FAT3: variants seen among roughly 807,000 people sequenced by gnomAD.
FAT3 encodes protocadherin Fat 3.
A neutral mutation model predicts 310.2 loss-of-function variants in FAT3; 95 were observed. The ratio of observed to expected loss-of-function variants is 0.31; its 90% CI spans 0.26 to 0.36. FAT3 has a LOEUF of 0.36. FAT3 is among the 10% of genes least tolerant of loss of function. The pLI, the probability that FAT3 is intolerant of heterozygous loss-of-function variation, is 1.00. For missense variants in FAT3, 5,408 were observed against 5,715.6 expected, an observed-to-expected ratio of 0.95 and a Z score of 1.74; for synonymous variants, 2,314 against 2,192.9, an observed-to-expected ratio of 1.06 and a Z score of -1.54.
At chr11:92,870,719 G>A (rs1949364507) in intron 22 of FAT3, among the ~76,000 whole-genome samples, 1 of 152,166 alleles carries the variant, frequency 6.6e-6, no homozygotes, top group South Asian at 2.1e-4. Flanking sequence ...GCCATAAATA[G>A]TCATTCAGGC....
At chr11:92,287,501 T>C (rs1946588744) in intron 1 of FAT3, among the ~76,000 whole-genome samples, 1 of 152,136 alleles carries the variant, frequency 6.6e-6, no homozygotes, top group African/African-American at 2.4e-5. Flanking sequence ...ACTACAGCCA[T>C]GTTTAGTTAC....
chr11:92,569,280 T>C lies in FAT3; in HGVS notation c.3607+44332T>C, dbSNP rs116772482. 5.7e-3 allele frequency among the ~76,000 whole-genome samples: 871 copies of C among 152,306 alleles called. 5 individuals carry two copies. Among genetic ancestry groups the C allele is most frequent in the African/African-American group, 0.02 (825 of 41,574 alleles). On this transcript the variant is annotated intron_variant, in intron 3 of 27. Transcript: ENST00000525166. Reference sequence around the variant, plus strand: ...GAAGATAACAAGCGTACCTATTTTATAGCATTGCTGTGAGGTGGGAATGAT... The same window carrying C: ...GAAGATAACAAGCGTACCTATTTTACAGCATTGCTGTGAGGTGGGAATGAT...
chr11:92,841,449 A>G (rs983023359), intron 18 of FAT3, among the ~76,000 whole-genome samples: 1 of 152,220 alleles, frequency 6.6e-6, no homozygotes, highest in African/African-American at 2.4e-5. Flanking sequence ...AATTATTGGT[A>G]TTGGTATAGC....
At chr11:92,629,011 T>G (rs1941444839) in intron 3 of FAT3, among the ~76,000 whole-genome samples, 1 of 152,258 alleles carries the variant, frequency 6.6e-6, no homozygotes, top group African/African-American at 2.4e-5. Flanking sequence ...GTGGTAGAAC[T>G]TATCTTCTGC....
intron 19 of FAT3, among the ~76,000 whole-genome samples, chr11:92,845,638 C>T (rs915223014): frequency 5.3e-5 from 8 of 152,214 alleles, no homozygotes; most frequent in Non-Finnish European, 7.3e-5. Context: ...TCTTTTCCTC[C>T]GTCTGACATG....
intron 2 of FAT3, among the ~76,000 whole-genome samples, chr11:92,426,500 T>C (rs1323480646): frequency 1.3e-5 from 2 of 152,368 alleles, no homozygotes; most frequent in East Asian, 3.9e-4. Context: ...AGCGTTTTTA[T>C]GGTTTTAGGT....
At chr11:92,780,061 C>T (rs796669663) in intron 7 of FAT3, among the ~76,000 whole-genome samples, 21 of 152,220 alleles carry the variant, frequency 1.4e-4, no homozygotes, top group African/African-American at 5.1e-4. Context: ...CAGAAAGAAA[C>T]ACATCCATGC....
chr11:92,450,040 C>A (rs575122615), intron 2 of FAT3, among the ~76,000 whole-genome samples: 15 of 152,256 alleles, frequency 9.9e-5, no homozygotes, highest in African/African-American at 2.6e-4. Context: ...TTTCCCCATG[C>A]CTTGTCTTGT....
At chr11:92,375,336 T>C (rs1949311078) in intron 2 of FAT3, among the ~76,000 whole-genome samples, 1 of 152,170 alleles carries the variant, frequency 6.6e-6, no homozygotes, top group South Asian at 2.1e-4. Context: ...AGATAGGGTC[T>C]TGCCATGTTT....
intron 4 of FAT3, among the ~76,000 whole-genome samples, chr11:92,740,658 T>A (rs1945482646): frequency 1.3e-5 from 2 of 152,186 alleles, no homozygotes; most frequent in African/African-American, 4.8e-5. Context: ...GATTTCATGG[T>A]CAAAAGATAA....
At position 92,666,304 on chromosome 11, in the gene FAT3, G is replaced by T. The variant is rs148469147; in HGVS notation, c.3608-31080G>T. 2.3e-3 allele frequency among the ~76,000 whole-genome samples: 344 copies of T among 151,830 alleles called. 2 individuals carry two copies. Among genetic ancestry groups the T allele is most frequent in the Non-Finnish European group, 3.6e-3 (243 of 67,966 alleles). ...CTGAGGAGCAGCTAATACTTGATAG[G>T]TTAATATTATTTTAATTTCTAATCC... On this transcript the variant is annotated intron_variant, in intron 3 of 27. Transcript: ENST00000525166.
At chr11:92,234,889 T>C (rs987067434) in intron 1 of FAT3, among the ~76,000 whole-genome samples, 9 of 129,274 alleles carry the variant, frequency 7.0e-5, no homozygotes, top group African/African-American at 2.4e-4. Context: ...GTGACAACAG[T>C]GAGACTCCGT....
At chr11:92,328,863 G>A (rs1279724739) in intron 1 of FAT3, among the ~76,000 whole-genome samples, 3 of 152,164 alleles carry the variant, frequency 2.0e-5, no homozygotes, top group Non-Finnish European at 2.9e-5. Context: ...TTTTAACTGT[G>A]ACTTCAGCTG....
chr11:92,712,393 C>T (rs1364214161), intron 4 of FAT3, among the ~76,000 whole-genome samples: 2 of 152,004 alleles, frequency 1.3e-5, no homozygotes, highest in East Asian at 1.9e-4. Context: ...GTGGTTTTCA[C>T]GGAGGGAGGG....
intron 22 of FAT3, among the ~76,000 whole-genome samples, chr11:92,873,005 G>A (rs534178832): frequency 6.6e-6 from 1 of 152,190 alleles, no homozygotes; most frequent in East Asian, 1.9e-4. Flanking sequence ...CTAAACATCA[G>A]AATAAAAAAA....
chr11:92,642,783 C>T (rs1245627039), intron 3 of FAT3, among the ~76,000 whole-genome samples: 1 of 152,196 alleles, frequency 6.6e-6, no homozygotes, highest in Non-Finnish European at 1.5e-5. Flanking sequence ...AGCAAAAAGG[C>T]TTTCTCTAGA....
chr11:92,551,135 A>G (rs1232273301), intron 3 of FAT3, among the ~76,000 whole-genome samples: 1 of 152,030 alleles, frequency 6.6e-6, no homozygotes, highest in Non-Finnish European at 1.5e-5. Context: ...GCTGAGCTCC[A>G]AAGGTTAGTT....
intron 22 of FAT3, among the ~76,000 whole-genome samples, chr11:92,868,252 A>C (rs1008830663): frequency 6.6e-6 from 1 of 152,212 alleles, no homozygotes; most frequent in African/African-American, 2.4e-5. Context: ...TATTATTAGA[A>C]TGTTATAAAC....
At chr11:92,261,791 G>A (rs936741750) in intron 1 of FAT3, among the ~76,000 whole-genome samples, 1 of 152,094 alleles carries the variant, frequency 6.6e-6, no homozygotes, top group Non-Finnish European at 1.5e-5. Flanking sequence ...AATGTACTTT[G>A]AAATTCCAAA....
Sources: allele counts gnomAD v4.1 joint callset (sites outside exome capture counted in the v4.1 genomes callset), GRCh38; gene constraint gnomAD v4.1.1; transcripts MANE v1.5; gene names NCBI Gene and HGNC (gene_info 2026-07-23, HGNC 2026-07-21).